The following ZNF148 variants were observed in gnomAD, a reference collection of about 807,000 sequenced individuals.
ZNF148 encodes the protein Beta-Enolase Repressor Factor-1.
In ZNF148, 7 loss-of-function variants were observed where a neutral mutation model predicts 67.7. That is an observed-to-expected ratio of 0.10 (90% CI 0.06 to 0.19). The LOEUF (loss-of-function observed/expected upper bound fraction) is 0.19, where lower values mean the gene tolerates loss of function less well. ZNF148 is among the 10% of genes least tolerant of loss of function. ZNF148 has a pLI of 1.00. For missense variants in ZNF148, 583 were observed against 947.1 expected, an observed-to-expected ratio of 0.62 and a Z score of 5.05; for synonymous variants, 333 against 330.7, an observed-to-expected ratio of 1.01 and a Z score of -0.08.
chr3:125,306,359 T>C (rs1939875187), intron 4 of ZNF148, among the ~76,000 whole-genome samples: 1 of 152,096 alleles, frequency 6.6e-6, no homozygotes, highest in African/African-American at 2.4e-5. Flanking sequence ...AACTTCACTA[T>C]TTGAACAGAC....
At chr3:125,339,779 C>T (rs527751732) in intron 1 of ZNF148, among the ~76,000 whole-genome samples, 9 of 152,182 alleles carry the variant, frequency 5.9e-5, no homozygotes, top group African/African-American at 1.4e-4. Context: ...AACATATACA[C>T]CTACTATGTA....
chr3:125,340,909 A>G (rs948790370), intron 1 of ZNF148, among the ~76,000 whole-genome samples: 3 of 145,700 alleles, frequency 2.1e-5, no homozygotes, highest in African/African-American at 7.6e-5. Flanking sequence ...AATGGCGTGA[A>G]CCCAGGAGGC....
intron 7 of ZNF148, among the ~76,000 whole-genome samples, chr3:125,240,728 C>A (rs1936312011): frequency 6.7e-6 from 1 of 148,604 alleles, no homozygotes; most frequent in Non-Finnish European, 1.5e-5. Context: ...TGCGCCACTG[C>A]ATTCCAGCCT....
intron 1 of ZNF148, among the ~76,000 whole-genome samples, chr3:125,337,937 A>C (rs1941562399): frequency 6.6e-6 from 1 of 151,868 alleles, no homozygotes; most frequent in Non-Finnish European, 1.5e-5. Flanking sequence ...CCCCAGCTCT[A>C]CAAAAAAAAA....
At chr3:125,286,624 G>A (rs1409050665) in intron 5 of ZNF148, among the ~76,000 whole-genome samples, 2 of 152,014 alleles carry the variant, frequency 1.3e-5, no homozygotes, top group Admixed American at 6.5e-5. Flanking sequence ...ACATAATAAT[G>A]TCCAATAAAA....
chr3:125,344,947 T>C (rs1047505280), intron 1 of ZNF148: 1 of 161,676 alleles, frequency 6.2e-6, no homozygotes, highest in African/African-American at 2.4e-5. Flanking sequence ...CAATTATATG[T>C]TGCTTGCAAG....
At chr3:125,269,305 C>T (rs1349653840) in intron 7 of ZNF148, among the ~76,000 whole-genome samples, 1 of 151,536 alleles carries the variant, frequency 6.6e-6, no homozygotes, top group East Asian at 1.9e-4. Flanking sequence ...CGCTTGAGCC[C>T]GGGAGGTTGA....
chr3:125,288,918 T>G (rs990692514), intron 4 of ZNF148, among the ~76,000 whole-genome samples: 1 of 152,150 alleles, frequency 6.6e-6, no homozygotes, highest in Non-Finnish European at 1.5e-5. Flanking sequence ...GAAGAAACAT[T>G]AAGATTTCAA....
At chr3:125,282,550 C>A (rs1938447368) in intron 5 of ZNF148, among the ~76,000 whole-genome samples, 1 of 152,022 alleles carries the variant, frequency 6.6e-6, no homozygotes, top group African/African-American at 2.4e-5. Flanking sequence ...TACTCTAATT[C>A]TCAACACACT....
intron 1 of ZNF148, among the ~76,000 whole-genome samples, chr3:125,355,280 A>G (rs1008396048): frequency 1.3e-5 from 2 of 152,224 alleles, no homozygotes; most frequent in African/African-American, 4.8e-5. Context: ...GGAGAATGTT[A>G]TTCTCAATAC....
chr3:125,315,694 C>G lies in ZNF148; in HGVS notation c.-16-2038G>C, dbSNP rs184341974. The stretch of plus-strand genomic sequence containing the variant: ...ACTGCACTCCAACCTGGTGACAGAG[C>G]AGGACTCCATCTCAAAAAAAAAAAA... On this transcript the variant is annotated intron_variant, in intron 3 of 8. Coordinates refer to ENST00000360647, the MANE Select transcript of ZNF148 (RefSeq NM_021964.3). Among the ~76,000 whole-genome samples the G allele has an allele frequency of 4.2e-3, 515 of 121,670 alleles. 5 individuals are homozygous for G. The highest frequency in any genetic ancestry group is 0.015 in the African/African-American group (496 of 32,594). The allele number at this position is 121,670 out of a possible 152,430, so 79.8% of individuals were successfully genotyped here.
chr3:125,373,383 G>A (rs562956716), intron 1 of ZNF148, among the ~76,000 whole-genome samples: 44 of 151,842 alleles, frequency 2.9e-4, no homozygotes, highest in Non-Finnish European at 2.8e-4. Context: ...GAGCCACCGC[G>A]CCCAGCTGTA....
intron 4 of ZNF148, among the ~76,000 whole-genome samples, chr3:125,304,705 T>G (rs1452784411): frequency 6.6e-6 from 1 of 152,216 alleles, no homozygotes. Context: ...GTGCACTATA[T>G]GTAAATGTAC....
intron 4 of ZNF148, among the ~76,000 whole-genome samples, chr3:125,290,179 C>A (rs1477116776): frequency 3.9e-5 from 6 of 152,166 alleles, no homozygotes; most frequent in Admixed American, 1.3e-4. Flanking sequence ...ACTACAGAAG[C>A]GGTCAGACAT....
At chr3:125,278,439 C>T (rs1938190880) in intron 6 of ZNF148, among the ~76,000 whole-genome samples, 1 of 152,122 alleles carries the variant, frequency 6.6e-6, no homozygotes, top group Non-Finnish European at 1.5e-5. Flanking sequence ...TACTCTAAGT[C>T]AAATTCTTCA....
At chr3:125,252,592 AC>A (rs1285126472) in intron 7 of ZNF148, among the ~76,000 whole-genome samples, 1 of 151,986 alleles carries the variant, frequency 6.6e-6, no homozygotes, top group African/African-American at 2.4e-5. Flanking sequence ...GCATGATGAA[AC>A]CCCATCTCTA....
chr3:125,253,633 G>A (rs1043666421), intron 7 of ZNF148, among the ~76,000 whole-genome samples: 1 of 152,104 alleles, frequency 6.6e-6, no homozygotes, highest in Non-Finnish European at 1.5e-5. Flanking sequence ...GTTACTAATA[G>A]GAAGATGTTA....
chr3:125,340,712 C>T (rs943702748), intron 1 of ZNF148, among the ~76,000 whole-genome samples: 30 of 152,164 alleles, frequency 2.0e-4, no homozygotes, highest in African/African-American at 3.9e-4. Flanking sequence ...GATGGCCGGG[C>T]GCGGTGGCTC....
At chr3:125,308,898 A>G (rs1367801915) in intron 4 of ZNF148, among the ~76,000 whole-genome samples, 1 of 152,248 alleles carries the variant, frequency 6.6e-6, no homozygotes, top group Admixed American at 6.5e-5. Context: ...AATTAAAATG[A>G]CTAAACATTA....
Sources: gnomAD v4.1 joint callset for allele counts (sites outside exome capture counted in the v4.1 genomes callset) on GRCh38, gnomAD v4.1.1 for gene constraint, MANE v1.5 for transcripts, NCBI Gene and HGNC (gene_info 2026-07-23, HGNC 2026-07-21) for gene names.